CACNA1G: variants seen among roughly 807,000 people sequenced by gnomAD.
The protein encoded by CACNA1G is voltage-dependent T-type calcium channel subunit alpha-1G.
A neutral mutation model predicts 219.4 loss-of-function variants in CACNA1G; 67 were observed. The observed-to-expected ratio is 0.31, with a 90% CI of 0.25 to 0.37. CACNA1G has a LOEUF of 0.37. Among genes scored for constraint, CACNA1G ranks in the 10% least tolerant of loss-of-function variants. The probability of loss-of-function intolerance (pLI) is 1.00; values close to 1 mark genes in which losing one functional copy is unlikely to be tolerated. For missense variants in CACNA1G, 2,380 were observed against 3,231.4 expected (o/e 0.74, Z 6.39); for synonymous variants, 1,296 against 1,345.3 (o/e 0.96, Z 0.80).
Position 50,600,580 on chromosome 17 carries a change from G to T in CACNA1G, c.3691-146G>T. On this transcript the variant is annotated intron_variant, in intron 17 of 37. Coordinates refer to ENST00000359106, the MANE Select transcript of CACNA1G (RefSeq NM_018896.5). This position sits in a 1 kb window ranked among gnomAD's most constrained non-coding sequence, Gnocchi z 4.1. ...ACAGGGAGATGAGGAGGTGGCTTTAGGAATAAAGGAAGAGAGGCAGGGCAG... is the reference window on the plus strand; with the variant it reads ...ACAGGGAGATGAGGAGGTGGCTTTATGAATAAAGGAAGAGAGGCAGGGCAG... The T allele has an allele frequency of 1.5e-6, 1 of 676,820 alleles. No individual in the cohort carries two copies. 41.9% of individuals were successfully genotyped at this position (676,820 alleles called of 1,614,324 possible). A position where few individuals can be genotyped will look rare whatever the true frequency, so the allele number is the denominator to read the frequency against.
In CACNA1G at chr17:50,607,871, G is replaced by A. The variant is rs370754259; in HGVS notation, c.4557G>A (p.Ser1519=). ...CCTGGATGCTGCTGTACTTCATCTCGTTCCTGCTCATTGTGGCCTTCTTTG... is the reference window on the plus strand; with the variant it reads ...CCTGGATGCTGCTGTACTTCATCTCATTCCTGCTCATTGTGGCCTTCTTTG... The part of the protein sequence containing the change: ...HNPWMLLYFI[S]FLLIVAFFVL... The change falls in exon 25 of 38, where the codon TCG becomes TCA. Residue 1519 remains serine (S), a synonymous_variant. Coordinates refer to ENST00000359106, the MANE Select transcript of CACNA1G (RefSeq NM_018896.5). The A allele has an allele frequency of 5.6e-6, 9 of 1,613,900 alleles. No homozygotes were observed. The highest frequency in any genetic ancestry group is 2.2e-5 in the South Asian group (2 of 91,090).
intron 25 of CACNA1G, 138 bp downstream of exon 25, chr17:50,608,157 CCTT>C: frequency 2.8e-6 from 2 of 718,090 alleles, no homozygotes; most frequent in South Asian, 1.9e-5. Context: ...CTCCTCACCT[CCTT>C]CTCCCCAAGA....
chr17:50,616,749 G>A (rs187793850), intron 28 of CACNA1G, among the ~76,000 whole-genome samples: 11 of 152,346 alleles, frequency 7.2e-5, no homozygotes, highest in Admixed American at 6.5e-4. Flanking sequence ...TAACCTCTCT[G>A]TGCCTCAGTT....
intron 35 of CACNA1G, among the ~76,000 whole-genome samples, chr17:50,622,687 C>G (rs564729792): frequency 6.6e-6 from 1 of 152,272 alleles, no homozygotes; most frequent in East Asian, 1.9e-4. Flanking sequence ...GGAAGGGGGT[C>G]ACAGAGTGAT....
In CACNA1G at chr17:50,578,543, G is replaced by A. The variant is rs1206548846; in HGVS notation, c.2280G>A (p.Met760Ile). ...CCATCCTGGTCAACACACTCAGCAT[G>A]GGCATCGAATACCACGAGCAGGTAG... Reference protein sequence around the residue: ...MIAILVNTLSMGIEYHEQPEE... With the variant: ...MIAILVNTLSIGIEYHEQPEE... The change falls in exon 9 of 38, where the codon ATG (methionine) becomes ATA (isoleucine). Residue 760 changes from methionine (M) to isoleucine (I), a missense_variant. Physicochemically the swap from Met to Ile is conservative, Grantham distance 10 (BLOSUM62 1). This residue lies in a region of CACNA1G where 82 missense variants were observed against 140.7 expected (regional missense o/e 0.58). Transcript: ENST00000359106. This position sits in a 1 kb window ranked among gnomAD's most constrained non-coding sequence, Gnocchi z 4.5. The A allele has an allele frequency of 6.4e-7, 1 of 1,563,236 alleles. No individual in the cohort carries two copies. Among genetic ancestry groups the A allele is most frequent in the Admixed American group, 1.8e-5 (1 of 54,182 alleles).
Position 50,627,356 on chromosome 17 carries a change from AAAG to A in CACNA1G, c.*608_*610del, listed in dbSNP as rs746338973. The stretch of plus-strand genomic sequence containing the variant: ...TCATCATTTTCTGTAGGGAAAAAAA[AAAG>A]AAAAAGAAAAAATGAGATTTTACAA... On this transcript the variant is annotated 3_prime_UTR_variant, in exon 38 of 38. Transcript: ENST00000359106. 17 of 398,686 alleles carry A rather than the reference AAAG, an allele frequency of 4.3e-5. No individual in the cohort carries two copies. The highest frequency in any genetic ancestry group is 3.1e-4 in the South Asian group (17 of 54,964). 24.7% of individuals were successfully genotyped at this position (398,686 alleles called of 1,614,324 possible). A position where few individuals can be genotyped will look rare whatever the true frequency, so the allele number is the denominator to read the frequency against.
intron 6 of CACNA1G, 34 bp from the exon 7 acceptor site, chr17:50,572,987 G>T (rs1223169866): frequency 2.6e-6 from 4 of 1,563,236 alleles, no homozygotes; most frequent in Non-Finnish European, 3.5e-6. Flanking sequence ...GATTTGGTGG[G>T]CCCATAGTCA....
intron 23 of CACNA1G, 173 bp downstream of exon 23, chr17:50,606,196 G>C (rs373957351): frequency 1.0e-6 from 1 of 961,180 alleles, no homozygotes; most frequent in Non-Finnish European, 1.7e-6. Context: ...CCATCCCACA[G>C]TGCCCCAAAA....
At chr17:50,569,467 A>G (rs1313087353) in intron 3 of CACNA1G, among the ~76,000 whole-genome samples, 169 bp downstream of exon 3, 3 of 151,638 alleles carry the variant, frequency 2.0e-5, no homozygotes, top group African/African-American at 7.3e-5. Context: ...TGTAGCCTAT[A>G]TTCTAAATTC....
At position 50,606,068 on chromosome 17, in the gene CACNA1G, AG is replaced by A. The variant is rs34008213; in HGVS notation, c.4422+50del. ...GTGGGGCTGTGGTGAAGGAGGCTGG[AG>A]GGGGCACAGGGCCATGCTTAGTGAT... On this transcript the variant is annotated intron_variant, in intron 23 of 37. Coordinates refer to ENST00000359106, the MANE Select transcript of CACNA1G (RefSeq NM_018896.5). The A allele has an allele frequency of 5.6e-6, 9 of 1,613,144 alleles. No individual in the cohort carries two copies. The African/African-American group carries it at 1.2e-4, about 22-fold the overall frequency.
At chr17:50,565,856 G>A (rs1269624604) in intron 1 of CACNA1G, among the ~76,000 whole-genome samples, 2 of 152,180 alleles carry the variant, frequency 1.3e-5, no homozygotes, top group Non-Finnish European at 2.9e-5. Context: ...TGGAAGTGGG[G>A]TTCCTCTCTC....
chr17:50,626,662 C>T lies in CACNA1G; in HGVS notation c.7045C>T (p.Pro2349Ser), dbSNP rs541601922. 9 of 1,613,350 alleles carry T rather than the reference C, an allele frequency of 5.6e-6. No homozygotes were observed. Among genetic ancestry groups the T allele is most frequent in the Non-Finnish European group, 6.8e-6 (8 of 1,179,848 alleles). ...CAAGGATCCCTTGGCCTCTGGCCCC[C>T]CTGACAGCATGGCTGCCTCGCCCTC... ...DSKDPLASGP[P>S]DSMAASPSPK... is the part of the protein sequence containing the mutation. Residue 2349 changes from proline (P) to serine (S), a missense_variant, in exon 38 of 38, where the codon CCT becomes TCT. By Grantham distance (74) the Pro-to-Ser change is moderately conservative. Transcript: ENST00000359106. This position sits in a 1 kb window ranked among gnomAD's most constrained non-coding sequence, Gnocchi z 4.3.
rs991590675 is a variant in CACNA1G at position 50,603,409 on chromosome 17, C to T, written c.4169+210C>T. Among the ~76,000 whole-genome samples, 2 of 152,186 alleles carry T rather than the reference C, an allele frequency of 1.3e-5. No individual in the cohort carries two copies. The highest frequency in any genetic ancestry group is 2.9e-5 in the Non-Finnish European group (2 of 68,022). On this transcript the variant is annotated intron_variant, in intron 21 of 37. Transcript: ENST00000359106. This position sits in a 1 kb window ranked among gnomAD's most constrained non-coding sequence, Gnocchi z 6.4. Reference sequence around the variant, plus strand: ...CTCCAGGTGCACACCTGCTTTCCTCCTCTTCAACATGACATATTCCTCAGG... The same window carrying T: ...CTCCAGGTGCACACCTGCTTTCCTCTTCTTCAACATGACATATTCCTCAGG...
intron 26 of CACNA1G, among the ~76,000 whole-genome samples, chr17:50,614,252 G>A (rs958300202): frequency 6.6e-6 from 1 of 152,210 alleles, no homozygotes; most frequent in African/African-American, 2.4e-5. Context: ...GCTTCCTGCT[G>A]CCCCTAAGCC....
rs373698101 is a variant in CACNA1G, at chr17:50,596,461, G to T, written c.2980-101G>T. On this transcript the variant is annotated intron_variant, in intron 14 of 37. Coordinates refer to ENST00000359106, the MANE Select transcript of CACNA1G (RefSeq NM_018896.5). The surrounding 1 kb of genome is among the most constrained non-coding windows in gnomAD (Gnocchi z 4.8). ...CGTGCCGTGGTTGCTGGTTCCTGTG[G>T]CCTATATGTGGTGTGCGTGTGTGAA... 1.6e-5 allele frequency: 15 copies of T among 913,000 alleles called. No homozygotes were observed. The highest frequency in any genetic ancestry group is 4.3e-4 in the Middle Eastern group (2 of 4,638). 56.6% of individuals were successfully genotyped at this position (913,000 alleles called of 1,614,324 possible).
intron 7 of CACNA1G, 83 bp from the exon 8 acceptor site, chr17:50,575,460 T>C: frequency 7.2e-7 from 1 of 1,381,738 alleles, no homozygotes; most frequent in Non-Finnish European, 9.8e-7. Context: ...GCTTGGCTCA[T>C]AGGAATGCCT....
Position 50,626,533 on chromosome 17 carries a change from C to T in CACNA1G, c.6916C>T (p.Leu2306Phe). Residue 2306 changes from leucine to phenylalanine, a missense_variant, in exon 38 of 38, where the codon CTC becomes TTC. By Grantham distance (22) the Leu-to-Phe change is conservative. Coordinates refer to ENST00000359106, the MANE Select transcript of CACNA1G (RefSeq NM_018896.5). This position sits in a 1 kb window ranked among gnomAD's most constrained non-coding sequence, Gnocchi z 4.3. Reference protein sequence around the residue: ...GGPGSRPKKKLSPPSITIDPP... With the variant: ...GGPGSRPKKKFSPPSITIDPP... ...GCCTGGGAGCCGGCCCAAGAAAAAA[C>T]TCAGCCCGCCTAGTATCACCATAGA... 1.3e-6 allele frequency: 2 copies of T among 1,573,212 alleles called. No homozygotes were observed. The highest frequency in any genetic ancestry group is 1.7e-6 in the Non-Finnish European group (2 of 1,161,672).
intron 1 of CACNA1G, among the ~76,000 whole-genome samples, chr17:50,562,928 C>CA (rs1325438219): frequency 6.6e-6 from 1 of 152,014 alleles, no homozygotes; most frequent in Non-Finnish European, 1.5e-5. Flanking sequence ...CGGGTCCTGC[C>CA]ACCGGGGGAA....
Position 50,618,553 on chromosome 17 carries a change from C to T in CACNA1G, c.5428-102C>T. 1.9e-6 allele frequency: 2 copies of T among 1,070,032 alleles called. No homozygotes were observed. Among genetic ancestry groups the T allele is most frequent in the Admixed American group, 2.1e-5 (1 of 48,676 alleles). 66.3% of individuals were successfully genotyped at this position (1,070,032 alleles called of 1,614,324 possible). ...CAAACACTCCCTCCTCCTCCCCTTC[C>T]TTCCCATCCTCCAATGCTCTGTGAC... On this transcript the variant is annotated intron_variant, in intron 32 of 37. Transcript: ENST00000359106. This position sits in a 1 kb window ranked among gnomAD's most constrained non-coding sequence, Gnocchi z 5.3.
Sources: allele counts gnomAD v4.1 joint callset (sites outside exome capture counted in the v4.1 genomes callset), GRCh38; gene constraint gnomAD v4.1.1; regional missense constraint gnomAD v4.1.1; non-coding constraint Gnocchi (gnomAD v3.1); transcripts MANE v1.5; gene names NCBI Gene and HGNC (gene_info 2026-07-23, HGNC 2026-07-21).